PKHD1: variants seen among roughly 807,000 people sequenced by gnomAD.
PKHD1 encodes the protein PKHD1 ciliary IPT domain containing fibrocystin/polyductin, also known as fibrocystin.
Under a neutral mutation model 412.0 loss-of-function variants are expected in PKHD1, and 291 were observed. That is an observed-to-expected ratio of 0.71 (90% CI 0.64 to 0.78). The LOEUF (loss-of-function observed/expected upper bound fraction) is 0.78. Among genes scored for constraint, PKHD1 ranks in the 30% least tolerant of loss-of-function variants. The pLI, the probability that PKHD1 is intolerant of heterozygous loss-of-function variation, is 0.00. For synonymous variants in PKHD1, 1,777 were observed against 1,821.5 expected (o/e 0.98, Z 0.62); for missense variants, 4,825 against 4,950.7 (o/e 0.97, Z 0.76).
intron 60 of PKHD1, among the ~76,000 whole-genome samples, chr6:51,664,475 T>C (rs1268838386): frequency 1.3e-5 from 2 of 152,150 alleles, no homozygotes. Flanking sequence ...AGGAATAAGA[T>C]GACAGAGAAT....
In PKHD1 at chr6:52,046,063, C is replaced by T. The variant is rs760700112; in HGVS notation, c.2533G>A (p.Glu845Lys). ...TVKEDLYTCY[E>K]HVWTLSWSTQ... ...GACCAGGACAAGGTCCACACGTGTT[C>T]GTAGCAAGTGTATAGATCCTCCTTC... The change falls in exon 24 of 67, where the codon GAA becomes AAA. Residue 845 changes from glutamate (E) to lysine (K), a missense_variant. Coordinates refer to ENST00000371117, the MANE Select transcript of PKHD1 (RefSeq NM_138694.4). 14 of 1,613,456 alleles carry T rather than the reference C, an allele frequency of 8.7e-6. No homozygotes were observed. Among genetic ancestry groups the T allele is most frequent in the Admixed American group, 8.3e-5 (5 of 59,990 alleles).
At chr6:52,003,736 C>T (rs943690776) in intron 35 of PKHD1, among the ~76,000 whole-genome samples, 10 of 152,140 alleles carry the variant, frequency 6.6e-5, no homozygotes, top group African/African-American at 2.4e-4. Flanking sequence ...TTGCCTAGAA[C>T]TTCAACTGAT....
At chr6:51,859,403 G>A (rs1773826082) in intron 48 of PKHD1, among the ~76,000 whole-genome samples, 1 of 151,632 alleles carries the variant, frequency 6.6e-6, no homozygotes, top group African/African-American at 2.4e-5. Flanking sequence ...GCATGCGCCT[G>A]TAGTCCCAGC....
chr6:51,801,125 T>C (rs1255890162), intron 52 of PKHD1, among the ~76,000 whole-genome samples: 1 of 152,196 alleles, frequency 6.6e-6, no homozygotes, highest in Non-Finnish European at 1.5e-5. Flanking sequence ...TACACAATGA[T>C]TGGTGATATT....
At chr6:51,739,654 A>G (rs575952915) in intron 60 of PKHD1, among the ~76,000 whole-genome samples, 12 of 152,338 alleles carry the variant, frequency 7.9e-5, no homozygotes, top group African/African-American at 2.9e-4. Context: ...TATAGTTTCC[A>G]TGCTTAGAGA....
chr6:51,826,843 T>C (rs1457166858), intron 52 of PKHD1, among the ~76,000 whole-genome samples: 1 of 152,168 alleles, frequency 6.6e-6, no homozygotes, highest in Non-Finnish European at 1.5e-5. Context: ...TGTCTTTTAT[T>C]AGTACAGTAA....
At chr6:51,791,207 A>C in intron 53 of PKHD1, 29 bp downstream of exon 53, 1 of 1,609,058 alleles carries the variant, frequency 6.2e-7, no homozygotes. Flanking sequence ...AATTCTCAAC[A>C]TGCTCGCAAT....
chr6:51,621,864 T>G (rs1766665994), intron 66 of PKHD1: 1 of 152,134 alleles, frequency 6.6e-6, no homozygotes, highest in South Asian at 2.1e-4. Context: ...AAAAATGAAT[T>G]TATAGCAGAT....
chr6:51,728,777 T>C (rs1028984651), intron 60 of PKHD1, among the ~76,000 whole-genome samples: 3 of 152,216 alleles, frequency 2.0e-5, no homozygotes, highest in Non-Finnish European at 2.9e-5. Flanking sequence ...ACATTGTTAA[T>C]AATTTGTTAT....
chr6:51,801,350 T>C (rs1762876804), intron 52 of PKHD1, among the ~76,000 whole-genome samples: 1 of 152,194 alleles, frequency 6.6e-6, no homozygotes, highest in Non-Finnish European at 1.5e-5. Context: ...TGGTATTCAG[T>C]TCTCTAGAGT....
At chr6:51,903,861 T>G in intron 42 of PKHD1, 125 bp downstream of exon 42, 1 of 363,434 alleles carries the variant, frequency 2.8e-6, no homozygotes, top group Non-Finnish European at 4.5e-6. Flanking sequence ...ATATATATAT[T>G]TAGAAAATAT....
At position 51,747,867 on chromosome 6, in the gene PKHD1, G is replaced by C. The variant is rs746644962; in HGVS notation, c.9749C>G (p.Ser3250Ter). 3 of 1,613,760 alleles carry C rather than the reference G, an allele frequency of 1.9e-6. No homozygotes were observed. The highest frequency in any genetic ancestry group is 2.5e-6 in the Non-Finnish European group (3 of 1,179,714). Residue 3250 changes from serine (S) to a stop codon, truncating the protein, a stop_gained, in exon 58 of 67, where the codon TCA (serine) becomes TGA (stop). Coordinates refer to ENST00000371117, the MANE Select transcript of PKHD1 (RefSeq NM_138694.4). LOFTEE classifies it high-confidence loss of function. ...CTCCTGAGGCCACTGATTTGGTTCTGAGGTGAATACAGGCCACAGAATACC... is the reference window on the plus strand; with the variant it reads ...CTCCTGAGGCCACTGATTTGGTTCTCAGGTGAATACAGGCCACAGAATACC... ...RIGILWPVFT[S>*]EPNQWPQEPW...
At chr6:51,764,359 A>G (rs1030783389) in intron 55 of PKHD1, among the ~76,000 whole-genome samples, 1 of 149,488 alleles carries the variant, frequency 6.7e-6, no homozygotes, top group Non-Finnish European at 1.5e-5. Flanking sequence ...CAAAACCACT[A>G]TGAGATACCA....
At chr6:51,756,617 C>T (rs1034731420) in intron 55 of PKHD1, among the ~76,000 whole-genome samples, 4 of 152,104 alleles carry the variant, frequency 2.6e-5, no homozygotes, top group Middle Eastern at 3.4e-3. Flanking sequence ...AAAAGCAGGA[C>T]GTAAAATAAT....
intron 60 of PKHD1, chr6:51,741,296 C>A (rs1582397143): frequency 4.1e-6 from 2 of 484,432 alleles, no homozygotes; most frequent in South Asian, 1.5e-5. Context: ...GTATTTTTGG[C>A]ACTCACCTTC....
At chr6:52,053,912 A>G (rs949008314) in intron 20 of PKHD1, 126 bp downstream of exon 20, 6 of 948,416 alleles carry the variant, frequency 6.3e-6, no homozygotes, top group Non-Finnish European at 1.0e-5. Flanking sequence ...ATATATTCAA[A>G]TCCCCAAATT....
chr6:51,799,508 A>C (rs1582762771), intron 52 of PKHD1, among the ~76,000 whole-genome samples: 1 of 152,220 alleles, frequency 6.6e-6, no homozygotes, highest in African/African-American at 2.4e-5. Flanking sequence ...TTTTATTCCC[A>C]GCTGCTTCAA....
chr6:51,847,348 C>T (rs1009648013), intron 50 of PKHD1, among the ~76,000 whole-genome samples: 1 of 150,378 alleles, frequency 6.6e-6, no homozygotes, highest in Non-Finnish European at 1.5e-5. Flanking sequence ...GCACAGCCAT[C>T]CATCTTTACA....
In PKHD1 at chr6:51,619,333, C is replaced by T. The variant is rs1766322221; in HGVS notation, c.11973G>A (p.Val3991=). 1 of 1,614,248 alleles carries T rather than the reference C, an allele frequency of 6.2e-7. No homozygotes were observed. The highest frequency in any genetic ancestry group is 8.5e-7 in the Non-Finnish European group (1 of 1,180,020). The change falls in exon 67 of 67, where the codon GTG becomes GTA. Residue 3991 remains valine, a synonymous_variant. Transcript: ENST00000371117. ...ICAPGAPAQQ[V]YLQETGNWKE... The stretch of plus-strand genomic sequence containing the variant: ...TCCAGTTCCCAGTCTCTTGCAGGTA[C>T]ACCTGCTGAGCAGGAGCACCTGGAG...
Sources: gnomAD v4.1 joint callset for allele counts (sites outside exome capture counted in the v4.1 genomes callset) on GRCh38, gnomAD v4.1.1 for gene constraint, MANE v1.5 for transcripts, NCBI Gene and HGNC (gene_info 2026-07-23, HGNC 2026-07-21) for gene names.